KAZN: variants seen among roughly 807,000 people sequenced by gnomAD.
KAZN encodes kazrin, periplakin interacting protein.
A neutral mutation model predicts 87.4 loss-of-function variants in KAZN; 40 were observed. That is an observed-to-expected ratio of 0.46 (90% CI 0.36 to 0.60). The LOEUF (loss-of-function observed/expected upper bound fraction) is 0.60, where lower values mean the gene tolerates loss of function less well. Among genes scored for constraint, KAZN ranks in the 20% least tolerant of loss-of-function variants. The pLI is 0.00. For synonymous variants in KAZN, 466 were observed against 458.3 expected, an observed-to-expected ratio of 1.02 and a Z score of -0.22; for missense variants, 898 against 1,073.9, an observed-to-expected ratio of 0.84 and a Z score of 2.29.
At chr1:13,911,530 G>A (rs1340268228) in intron 1 of KAZN, among the ~76,000 whole-genome samples, 2 of 152,260 alleles carry the variant, frequency 1.3e-5, no homozygotes, top group East Asian at 1.9e-4. Context: ...GTATCCAAAC[G>A]ATATCAGGAG....
intron 1 of KAZN, among the ~76,000 whole-genome samples, chr1:14,809,194 T>G (rs578122205): frequency 2.0e-5 from 3 of 152,230 alleles, no homozygotes; most frequent in African/African-American, 7.2e-5. Flanking sequence ...GCACATTACC[T>G]CCCAAACAAA....
intron 2 of KAZN, among the ~76,000 whole-genome samples, chr1:14,188,525 A>G (rs1040649628): frequency 6.6e-6 from 1 of 152,124 alleles, no homozygotes; most frequent in Non-Finnish European, 1.5e-5. Flanking sequence ...ACACAAAAGA[A>G]GGCTAGGGTA....
At chr1:14,837,477 G>A (rs1314336082) in intron 1 of KAZN, among the ~76,000 whole-genome samples, 2 of 152,050 alleles carry the variant, frequency 1.3e-5, no homozygotes, top group Non-Finnish European at 2.9e-5. Flanking sequence ...GGGATTTTAG[G>A]CGTGAGCCAC....
At chr1:13,905,778 TGTTA>T (rs970306666) in intron 1 of KAZN, among the ~76,000 whole-genome samples, 2 of 152,226 alleles carry the variant, frequency 1.3e-5, no homozygotes, top group African/African-American at 2.4e-5. Context: ...AATTTTTTTT[TGTTA>T]GTTTGTTTTG....
At chr1:14,348,593 C>A (rs1413617533) in intron 2 of KAZN, among the ~76,000 whole-genome samples, 1 of 152,180 alleles carries the variant, frequency 6.6e-6, no homozygotes. Context: ...ATAATCTTAG[C>A]TTTATACGAC....
intron 1 of KAZN, among the ~76,000 whole-genome samples, chr1:14,166,478 G>A (rs1645829478): frequency 6.6e-6 from 1 of 152,120 alleles, no homozygotes; most frequent in Admixed American, 6.5e-5. Flanking sequence ...TGAAATGCGG[G>A]TGATCAGATC....
At chr1:14,466,936 T>C (rs1668186327) in intron 2 of KAZN, among the ~76,000 whole-genome samples, 1 of 152,150 alleles carries the variant, frequency 6.6e-6, no homozygotes, top group African/African-American at 2.4e-5. Context: ...GCCACTGCGC[T>C]CCAGCCTGGG....
chr1:14,001,082 G>A (rs550987981), intron 1 of KAZN, among the ~76,000 whole-genome samples: 2 of 152,136 alleles, frequency 1.3e-5, no homozygotes, highest in South Asian at 2.1e-4. Flanking sequence ...ACGCCCGGCC[G>A]ACATGATTTT....
At chr1:14,482,107 C>T (rs1158498786) in intron 2 of KAZN, among the ~76,000 whole-genome samples, 1 of 152,186 alleles carries the variant, frequency 6.6e-6, no homozygotes, top group Non-Finnish European at 1.5e-5. Flanking sequence ...CGGTGAGCTG[C>T]ATGGATAGAT....
At chr1:15,025,991 T>C (rs1361248256) in intron 2 of KAZN, among the ~76,000 whole-genome samples, 1 of 152,108 alleles carries the variant, frequency 6.6e-6, no homozygotes, top group Non-Finnish European at 1.5e-5. Flanking sequence ...CTTTAACCTC[T>C]TCCGAACTCA....
intron 2 of KAZN, among the ~76,000 whole-genome samples, chr1:14,512,951 C>G (rs545734533): frequency 1.1e-4 from 17 of 152,284 alleles, no homozygotes; most frequent in South Asian, 4.1e-4. Flanking sequence ...GAAAAGCAGG[C>G]AAGTTTAGAG....
At chr1:15,040,743 G>A (rs1672804887) in intron 3 of KAZN, among the ~76,000 whole-genome samples, 1 of 151,402 alleles carries the variant, frequency 6.6e-6, no homozygotes, top group Non-Finnish European at 1.5e-5. Flanking sequence ...TCCAGCTTGG[G>A]TGACAGAGCA....
At chr1:14,601,411 T>C (rs1299175978) in intron 1 of KAZN, among the ~76,000 whole-genome samples, 2 of 152,144 alleles carry the variant, frequency 1.3e-5, no homozygotes, top group African/African-American at 4.8e-5. Context: ...CTTGATACAT[T>C]ATTTAGCCTC....
At chr1:13,983,929 T>G (rs1315719469) in intron 1 of KAZN, among the ~76,000 whole-genome samples, 3 of 152,200 alleles carry the variant, frequency 2.0e-5, no homozygotes, top group Admixed American at 1.3e-4. Context: ...ACTTCTCAAC[T>G]TAAGCTTGGT....
At chr1:14,857,808 G>C (rs1363884510) in intron 1 of KAZN, among the ~76,000 whole-genome samples, 4 of 148,868 alleles carry the variant, frequency 2.7e-5, no homozygotes, top group Non-Finnish European at 5.9e-5. Context: ...TTTTTATTTT[G>C]CTTTTTGTAA....
chr1:14,100,625 C>G (rs1644228705), intron 1 of KAZN, among the ~76,000 whole-genome samples: 1 of 152,144 alleles, frequency 6.6e-6, no homozygotes, highest in South Asian at 2.1e-4. Context: ...GACTCAGTGC[C>G]CAGGGCTTTG....
chr1:14,704,580 G>A (rs1269684901), intron 1 of KAZN, among the ~76,000 whole-genome samples: 1 of 152,240 alleles, frequency 6.6e-6, no homozygotes, highest in Non-Finnish European at 1.5e-5. Context: ...CTGAGTGACA[G>A]ATCTAAGGCT....
intron 1 of KAZN, among the ~76,000 whole-genome samples, chr1:14,175,397 C>T (rs748689972): frequency 6.6e-6 from 1 of 152,312 alleles, no homozygotes; most frequent in South Asian, 2.1e-4. Flanking sequence ...GCCACCGCGC[C>T]GGGCCCACGG....
At chr1:14,195,991 T>G (rs992645828) in intron 2 of KAZN, among the ~76,000 whole-genome samples, 6 of 152,056 alleles carry the variant, frequency 3.9e-5, no homozygotes, top group African/African-American at 1.2e-4. Context: ...ATCCAATATA[T>G]GTAGGGTGGT....
Sources: allele counts gnomAD v4.1 joint callset (sites outside exome capture counted in the v4.1 genomes callset), GRCh38; gene constraint gnomAD v4.1.1; transcripts MANE v1.5; gene names NCBI Gene and HGNC (gene_info 2026-07-23, HGNC 2026-07-21).